The following HS6ST3 variants were observed in gnomAD, a reference collection of about 807,000 sequenced individuals.
HS6ST3 encodes the protein heparan sulfate 6-O-sulfotransferase 3.
Under a neutral mutation model 36.7 loss-of-function variants are expected in HS6ST3, and 12 were observed. The ratio of observed to expected loss-of-function variants is 0.33; its 90% CI spans 0.21 to 0.53. HS6ST3 has a LOEUF of 0.53. Ranked by LOEUF, HS6ST3 falls within the 20% of genes least tolerant of loss-of-function variation. The pLI, the probability that HS6ST3 is intolerant of heterozygous loss-of-function variation, is 0.95. For synonymous variants in HS6ST3, 240 were observed against 257.5 expected (o/e 0.93, Z 0.65); for missense variants, 584 against 640.9 (o/e 0.91, Z 0.96).
At chr13:96,480,331 C>T (rs997020052) in intron 1 of HS6ST3, among the ~76,000 whole-genome samples, 1 of 152,108 alleles carries the variant, frequency 6.6e-6, no homozygotes, top group African/African-American at 2.4e-5. Flanking sequence ...CCAGGCTGGT[C>T]TTGAACCCCT....
chr13:96,599,169 G>A (rs550571797), intron 1 of HS6ST3, among the ~76,000 whole-genome samples: 2 of 151,956 alleles, frequency 1.3e-5, no homozygotes, highest in South Asian at 2.1e-4. Flanking sequence ...TCTGGGTTAG[G>A]CATCACGGTG....
At chr13:96,197,219 A>G (rs2054318691) in intron 1 of HS6ST3, among the ~76,000 whole-genome samples, 2 of 152,328 alleles carry the variant, frequency 1.3e-5, no homozygotes, top group South Asian at 4.1e-4. Flanking sequence ...ACAGTTCCAC[A>G]TGGCTGGGGA....
At chr13:96,376,282 G>A (rs965713506) in intron 1 of HS6ST3, among the ~76,000 whole-genome samples, 3 of 152,200 alleles carry the variant, frequency 2.0e-5, no homozygotes, top group Non-Finnish European at 4.4e-5. Context: ...TTCATGAAAA[G>A]TGCTTTTGGA....
rs1157924077 is a variant in HS6ST3 at position 96,576,943 on chromosome 13, CAAAAAAAAAAAAAAAAAA to C, written c.708-255534_708-255517del. Among the ~76,000 whole-genome samples the C allele has an allele frequency of 7.4e-5, 2 of 26,850 alleles. 1 individual carries two copies. Among genetic ancestry groups the C allele is most frequent in the African/African-American group, 2.2e-4 (2 of 8,988 alleles). The allele number at this position is 26,850 out of a possible 152,430, so 17.6% of individuals were successfully genotyped here. ...TGGGAAACAGAGTGAGACTCTGTCT[CAAAAAAAAAAAAAAAAAA>C]AAAAAAAAAAAAGTTGCTCTATTTA... On this transcript the variant is annotated intron_variant, in intron 1 of 1. Transcript: ENST00000376705.
intron 1 of HS6ST3, among the ~76,000 whole-genome samples, chr13:96,510,115 TA>T (rs2056043395): frequency 6.7e-6 from 1 of 149,856 alleles, no homozygotes; most frequent in Admixed American, 6.7e-5. Context: ...TATTTTATTT[TA>T]TTTTATTTTA....
chr13:96,744,296 A>C (rs1876512069), intron 1 of HS6ST3, among the ~76,000 whole-genome samples: 2 of 152,080 alleles, frequency 1.3e-5, no homozygotes, highest in Admixed American at 6.6e-5. Flanking sequence ...TTAAAGCCAA[A>C]CTTCTAGAAA....
chr13:96,696,026 T>C (rs1490886265), intron 1 of HS6ST3, among the ~76,000 whole-genome samples: 1 of 152,090 alleles, frequency 6.6e-6, no homozygotes, highest in East Asian at 1.9e-4. Flanking sequence ...AGTCTCTCAG[T>C]GGATGAGAGA....
intron 1 of HS6ST3, among the ~76,000 whole-genome samples, chr13:96,355,244 G>T (rs555601717): frequency 6.6e-6 from 1 of 152,168 alleles, no homozygotes; most frequent in South Asian, 2.1e-4. Flanking sequence ...TTCATGGGAG[G>T]AGGTCAAAAT....
intron 1 of HS6ST3, among the ~76,000 whole-genome samples, chr13:96,695,255 A>G (rs1875091979): frequency 6.6e-6 from 1 of 152,122 alleles, no homozygotes; most frequent in Admixed American, 6.6e-5. Context: ...CCCACTGAAC[A>G]TAAGACATCT....
intron 1 of HS6ST3, among the ~76,000 whole-genome samples, chr13:96,307,416 T>C (rs1286391496): frequency 7.2e-5 from 11 of 152,300 alleles, no homozygotes; most frequent in African/African-American, 1.2e-4. Flanking sequence ...GATATCTTAA[T>C]TGTGGACATT....
chr13:96,525,748 G>A (rs749044411), intron 1 of HS6ST3, among the ~76,000 whole-genome samples: 11 of 152,168 alleles, frequency 7.2e-5, no homozygotes, highest in Non-Finnish European at 1.0e-4. Flanking sequence ...TGAACGTGAT[G>A]AGAATCAGTA....
At chr13:96,655,203 A>G (rs954530601) in intron 1 of HS6ST3, among the ~76,000 whole-genome samples, 2 of 152,230 alleles carry the variant, frequency 1.3e-5, no homozygotes, top group East Asian at 1.9e-4. Context: ...AGCTCAACCG[A>G]ACTTCTCCAT....
At chr13:96,513,930 C>A (rs2056061138) in intron 1 of HS6ST3, among the ~76,000 whole-genome samples, 1 of 151,810 alleles carries the variant, frequency 6.6e-6, no homozygotes, top group African/African-American at 2.4e-5. Context: ...CAGGAATGTT[C>A]TAGAAGTGTG....
intron 1 of HS6ST3, among the ~76,000 whole-genome samples, chr13:96,096,473 T>C (rs1193065815): frequency 1.3e-5 from 2 of 152,166 alleles, no homozygotes; most frequent in African/African-American, 2.4e-5. Context: ...TAATGTAAGC[T>C]GAGTGTGGGG....
chr13:96,704,806 G>T (rs758818264), intron 1 of HS6ST3, among the ~76,000 whole-genome samples: 4 of 152,136 alleles, frequency 2.6e-5, no homozygotes, highest in Admixed American at 6.5e-5. Flanking sequence ...ACTATAATAC[G>T]TAGGTAACTT....
chr13:96,312,957 A>C, intron 1 of HS6ST3, among the ~76,000 whole-genome samples: 1 of 130,912 alleles, frequency 7.6e-6, no homozygotes, highest in Admixed American at 7.5e-5. Flanking sequence ...GTCTCAAAAA[A>C]AAAAAAAAAA....
At chr13:96,306,149 G>A (rs569077695) in intron 1 of HS6ST3, among the ~76,000 whole-genome samples, 2 of 149,266 alleles carry the variant, frequency 1.3e-5, no homozygotes, top group Non-Finnish European at 3.0e-5. Context: ...CTGTCACCAG[G>A]CTGTAGTACA....
chr13:96,317,071 T>A (rs530593891), intron 1 of HS6ST3, among the ~76,000 whole-genome samples: 3 of 151,976 alleles, frequency 2.0e-5, no homozygotes, highest in Admixed American at 2.0e-4. Flanking sequence ...ACCCAGGTAG[T>A]GAGCATCATA....
chr13:96,630,208 A>G (rs979445888), intron 1 of HS6ST3, among the ~76,000 whole-genome samples: 1 of 152,180 alleles, frequency 6.6e-6, no homozygotes. Flanking sequence ...TTTGTAGGCC[A>G]TTCTGCCTGT....
Sources: allele counts gnomAD v4.1 joint callset (sites outside exome capture counted in the v4.1 genomes callset), GRCh38; gene constraint gnomAD v4.1.1; transcripts MANE v1.5; gene names NCBI Gene and HGNC (gene_info 2026-07-23, HGNC 2026-07-21).